MED25: variants seen among roughly 807,000 people sequenced by gnomAD.
MED25 encodes mediator complex subunit 25.
In MED25, 62 loss-of-function variants were observed where a neutral mutation model predicts 89.4. The ratio of observed to expected loss-of-function variants is 0.69; its 90% CI spans 0.57 to 0.86. MED25 has a LOEUF of 0.86. Among genes scored for constraint, MED25 ranks in the 40% least tolerant of loss-of-function variants. The probability of loss-of-function intolerance (pLI) is 0.00; values close to 1 mark genes in which losing one functional copy is unlikely to be tolerated. For missense variants in MED25, 905 were observed against 1,005.2 expected (o/e 0.90, Z 1.35); for synonymous variants, 449 against 427.9 (o/e 1.05, Z -0.61).
intron 13 of MED25, chr19:49,833,069 C>T (rs2074070799): frequency 6.4e-6 from 1 of 155,750 alleles, no homozygotes; most frequent in Non-Finnish European, 1.4e-5. Flanking sequence ...GATAGAGTCA[C>T]CTTCACAGGT....
chr19:49,823,989 C>A (rs1253996694), intron 3 of MED25, among the ~76,000 whole-genome samples: 7 of 152,160 alleles, frequency 4.6e-5, no homozygotes, highest in African/African-American at 1.7e-4. Flanking sequence ...AAATGTATTC[C>A]ATTTGAGACC....
At position 49,835,857 on chromosome 19, in the gene MED25, C is replaced by G; in HGVS notation, c.1877C>G (p.Ser626Cys). 6.2e-7 allele frequency: 1 copy of G among 1,612,640 alleles called. No individual in the cohort carries two copies. Among genetic ancestry groups the G allele is most frequent in the Non-Finnish European group, 8.5e-7 (1 of 1,179,832 alleles). Residue 626 changes from serine (S) to cysteine (C), a missense_variant, in exon 16 of 18, where the codon TCT becomes TGT. Coordinates refer to ENST00000312865, the MANE Select transcript of MED25 (RefSeq NM_030973.4). This position sits in a 1 kb window ranked among gnomAD's most constrained non-coding sequence, Gnocchi z 6.2. ...CCTCAAGGCCCTCCTGGAGCAGCTT[C>G]TGGCCCACCCCCTCCTGGACCCATC... ...GAPQGPPGAA[S>C]GPPPPGPILR...
chr19:49,819,692 T>G, intron 3 of MED25: 2 of 346,170 alleles, frequency 5.8e-6, no homozygotes, highest in South Asian at 4.6e-5. Context: ...TTGTACTCCC[T>G]GTGTGATTGT....
rs1264886735 is a variant in MED25 at position 49,829,202 on chromosome 19, G to T, written c.525+112G>T. 3.1e-6 allele frequency: 3 copies of T among 954,384 alleles called. No homozygotes were observed. The East Asian group carries it at 7.9e-5, about 25-fold the overall frequency. The allele number at this position is 954,384 out of a possible 1,614,324, so 59.1% of individuals were successfully genotyped here. Reference sequence around the variant, plus strand: ...GGGTCTGAGGGAGGAGGCACTGGGGGCCTGGACTCTTGGGTCTAAGCGGGG... The same window carrying T: ...GGGTCTGAGGGAGGAGGCACTGGGGTCCTGGACTCTTGGGTCTAAGCGGGG... On this transcript the variant is annotated intron_variant, in intron 5 of 17. Coordinates refer to ENST00000312865, the MANE Select transcript of MED25 (RefSeq NM_030973.4). The surrounding 1 kb of genome is among the most constrained non-coding windows in gnomAD (Gnocchi z 4.6).
At chr19:49,832,221 T>C in intron 12 of MED25, 64 bp downstream of exon 12, 1 of 1,568,028 alleles carries the variant, frequency 6.4e-7, no homozygotes, top group Non-Finnish European at 8.7e-7. Context: ...CTCTTTCCTG[T>C]TCCCTGCCCC....
intron 3 of MED25, among the ~76,000 whole-genome samples, chr19:49,820,715 A>C (rs2073975853): frequency 1.3e-5 from 2 of 152,262 alleles, no homozygotes; most frequent in African/African-American, 4.8e-5. Flanking sequence ...AGCCTAATAC[A>C]TAGAACTTAT....
chr19:49,835,905 C>T lies in MED25; in HGVS notation c.1925C>T (p.Ala642Val). ...GPILRPQNPGANPQLRSLLLN... is the reference protein window; with the variant it reads ...GPILRPQNPGVNPQLRSLLLN... ...ATCCTTCGGCCCCAGAACCCTGGGG[C>T]CAACCCTCAGCTGCGAAGCCTCCTC... is the stretch of plus-strand genomic sequence containing the variant. The change falls in exon 16 of 18, where the codon GCC becomes GTC. Residue 642 changes from alanine (A) to valine (V), a missense_variant. Ala to Val is a moderately conservative substitution (Grantham distance 64). This residue lies in a region of MED25 where 271 missense variants were observed against 258.1 expected (regional missense o/e 1.05). Transcript: ENST00000312865. This position sits in a 1 kb window ranked among gnomAD's most constrained non-coding sequence, Gnocchi z 6.2. The T allele has an allele frequency of 6.2e-7, 1 of 1,612,858 alleles. No homozygotes were observed. The highest frequency in any genetic ancestry group is 8.5e-7 in the Non-Finnish European group (1 of 1,179,956).
At chr19:49,837,945 G>A (rs180685435), downstream of MED25, among the ~76,000 whole-genome samples, 1 of 152,160 alleles carries the variant, frequency 6.6e-6, no homozygotes, top group African/African-American at 2.4e-5. Flanking sequence ...ACAGGTTTGG[G>A]ACGTGGCAAG....
rs1250063208 is a variant in MED25 at position 49,832,368 on chromosome 19, G to A, written c.1435G>A (p.Asp479Asn). The A allele has an allele frequency of 6.2e-7, 1 of 1,611,832 alleles. No individual in the cohort carries two copies. Among genetic ancestry groups the A allele is most frequent in the South Asian group, 1.1e-5 (1 of 90,564 alleles). ...RMVQFHFTNK[D>N]LESLKGLYRI... ...GGTCCAGTTCCATTTCACCAACAAG[G>A]ACCTGGAGTCTCTCAAAGGCCTCTA... Residue 479 changes from aspartate to asparagine, a missense_variant, in exon 13 of 18, where the codon GAC (aspartate) becomes AAC (asparagine). Asp to Asn is a conservative substitution (Grantham distance 23). Transcript: ENST00000312865.
Position 49,836,433 on chromosome 19 carries a change from G to A in MED25, c.2146+27G>A, listed in dbSNP as rs2074098967. 3.2e-6 allele frequency: 5 copies of A among 1,565,208 alleles called. No individual in the cohort carries two copies. Among genetic ancestry groups the A allele is most frequent in the African/African-American group, 1.4e-5 (1 of 73,774 alleles). ...TAAGGGGACCCGGGGGAGGGCAGAGGTCTGGACTGAGTGTCCCAGCAGCTC... is the reference window on the plus strand; with the variant it reads ...TAAGGGGACCCGGGGGAGGGCAGAGATCTGGACTGAGTGTCCCAGCAGCTC... On this transcript the variant is annotated intron_variant, in intron 17 of 17. Coordinates refer to ENST00000312865, the MANE Select transcript of MED25 (RefSeq NM_030973.4). The surrounding 1 kb of genome is among the most constrained non-coding windows in gnomAD (Gnocchi z 5.1).
chr19:49,832,767 A>G (rs2074068010), intron 13 of MED25: 1 of 362,930 alleles, frequency 2.8e-6, no homozygotes. Context: ...AACGTGTTCT[A>G]TCCCAGTTCT....
chr19:49,837,006 C>T (rs933405179), downstream of MED25: 1 of 1,353,980 alleles, frequency 7.4e-7, no homozygotes, highest in Non-Finnish European at 1.0e-6. Context: ...ACTGACATCC[C>T]TCAGGACTGG....
rs1237033660 is a variant in MED25 at position 49,830,152 on chromosome 19, A to C, written c.753A>C (p.Ala251=). ...SKQPVPLPPA[A]PSGATLSAAP... Reference sequence around the variant, plus strand: ...AGCCAGTCCCCCTGCCTCCCGCCGCACCCTCAGGTGCCACTCTCTCAGCAG... The same window carrying C: ...AGCCAGTCCCCCTGCCTCCCGCCGCCCCCTCAGGTGCCACTCTCTCAGCAG... Residue 251 remains alanine (A), a synonymous_variant, in exon 7 of 18, where the codon GCA becomes GCC. Transcript: ENST00000312865. The surrounding 1 kb of genome is among the most constrained non-coding windows in gnomAD (Gnocchi z 4.6). The C allele has an allele frequency of 6.3e-7, 1 of 1,598,520 alleles. No homozygotes were observed. Among genetic ancestry groups the C allele is most frequent in the Non-Finnish European group, 8.5e-7 (1 of 1,170,380 alleles).
Position 49,832,393 on chromosome 19 carries a change from A to G in MED25, c.1460A>G (p.Tyr487Cys). 1 of 1,607,366 alleles carries G rather than the reference A, an allele frequency of 6.2e-7. No individual in the cohort carries two copies. Among genetic ancestry groups the G allele is most frequent in the Non-Finnish European group, 8.5e-7 (1 of 1,175,182 alleles). Reference sequence around the variant, plus strand: ...GACCTGGAGTCTCTCAAAGGCCTCTACCGCATCATGGGCAACGGCTTCGTG... The same window carrying G: ...GACCTGGAGTCTCTCAAAGGCCTCTGCCGCATCATGGGCAACGGCTTCGTG... ...NKDLESLKGL[Y>C]RIMGNGFAGC... Residue 487 changes from tyrosine to cysteine, a missense_variant, in exon 13 of 18, where the codon TAC becomes TGC. Around this residue, in one of 3 missense-constraint regions of MED25, gnomAD observed 133 missense variants for 220.2 expected, o/e 0.60. Transcript: ENST00000312865.
At position 49,829,618 on chromosome 19, in the gene MED25, C is replaced by T. The variant is rs553457686; in HGVS notation, c.526-168C>T. On this transcript the variant is annotated intron_variant, in intron 5 of 17. Coordinates refer to ENST00000312865, the MANE Select transcript of MED25 (RefSeq NM_030973.4). The surrounding 1 kb of genome is among the most constrained non-coding windows in gnomAD (Gnocchi z 4.6). ...GACAAAACTAGAACCCAGAGTCTCC[C>T]GGGGCAGGTGATACCTGGTTTCAGG... Among the ~76,000 whole-genome samples the T allele has an allele frequency of 3.4e-4, 52 of 152,246 alleles. No homozygotes were observed. The highest frequency in any genetic ancestry group is 1.1e-3 in the African/African-American group (45 of 41,552).
Position 49,835,514 on chromosome 19 carries a change from G to T in MED25, c.1675-20G>T. The stretch of plus-strand genomic sequence containing the variant: ...TGCCACCACCCTCAGTTACTGACCT[G>T]CCCCTCTCTCCCCGTGCAGATGGGG... On this transcript the variant is annotated intron_variant, in intron 14 of 17. Coordinates refer to ENST00000312865, the MANE Select transcript of MED25 (RefSeq NM_030973.4). This position sits in a 1 kb window ranked among gnomAD's most constrained non-coding sequence, Gnocchi z 6.2. The T allele has an allele frequency of 6.5e-7, 1 of 1,533,380 alleles. No homozygotes were observed. Among genetic ancestry groups the T allele is most frequent in the South Asian group, 1.2e-5 (1 of 81,828 alleles). 95.0% of individuals were successfully genotyped at this position (1,533,380 alleles called of 1,614,324 possible). A position where few individuals can be genotyped will look rare whatever the true frequency, so the allele number is the denominator to read the frequency against.
Position 49,830,910 on chromosome 19 carries a change from C to A in MED25, c.1101+23C>A. ...ATGGTAGGTGCCTGCACGCCTCCTG[C>A]CCCTGCTCCTTCCTCCTGCTGTCCA... is the stretch of plus-strand genomic sequence containing the variant. On this transcript the variant is annotated intron_variant, in intron 9 of 17. Transcript: ENST00000312865. This position sits in a 1 kb window ranked among gnomAD's most constrained non-coding sequence, Gnocchi z 4.6. 6.2e-7 allele frequency: 1 copy of A among 1,602,462 alleles called. No individual in the cohort carries two copies. Among genetic ancestry groups the A allele is most frequent in the Middle Eastern group, 1.8e-4 (1 of 5,598 alleles).
rs2074087921 is a variant in MED25, at chr19:49,835,364, C to T, written c.1675-170C>T. 6.6e-6 allele frequency among the ~76,000 whole-genome samples: 1 copy of T among 152,192 alleles called. No individual in the cohort carries two copies. The highest frequency in any genetic ancestry group is 1.5e-5 in the Non-Finnish European group (1 of 68,038). On this transcript the variant is annotated intron_variant, in intron 14 of 17. Transcript: ENST00000312865. The surrounding 1 kb of genome is among the most constrained non-coding windows in gnomAD (Gnocchi z 6.2). ...CAGCATCCACATCAAAGCCCTGACACAGCTTCCTCCTGGAGACCTTGGAGT... is the reference window on the plus strand; with the variant it reads ...CAGCATCCACATCAAAGCCCTGACATAGCTTCCTCCTGGAGACCTTGGAGT...
At position 49,835,438 on chromosome 19, in the gene MED25, C is replaced by T; in HGVS notation, c.1675-96C>T. The T allele has an allele frequency of 1.6e-6, 2 of 1,254,272 alleles. No homozygotes were observed. The highest frequency in any genetic ancestry group is 2.2e-6 in the Non-Finnish European group (2 of 907,070). 77.7% of individuals were successfully genotyped at this position (1,254,272 alleles called of 1,614,324 possible). A position where few individuals can be genotyped will look rare whatever the true frequency, so the allele number is the denominator to read the frequency against. On this transcript the variant is annotated intron_variant, in intron 14 of 17. Transcript: ENST00000312865. This position sits in a 1 kb window ranked among gnomAD's most constrained non-coding sequence, Gnocchi z 6.2. ...TCACCCCCAAAGAGAATGTCCCCAT[C>T]TCCTTACTAGTTCCCCTCAGGGCAC...
Sources: allele counts gnomAD v4.1 joint callset (sites outside exome capture counted in the v4.1 genomes callset), GRCh38; gene constraint gnomAD v4.1.1; regional missense constraint gnomAD v4.1.1; non-coding constraint Gnocchi (gnomAD v3.1); transcripts MANE v1.5; gene names NCBI Gene and HGNC (gene_info 2026-07-23, HGNC 2026-07-21).